The following PLCH2 variants were observed in gnomAD, a reference collection of about 807,000 sequenced individuals.
PLCH2 encodes the protein phospholipase C eta 2, also known as 1-phosphatidylinositol 4,5-bisphosphate phosphodiesterase eta-2.
In PLCH2, 98 loss-of-function variants were observed where a neutral mutation model predicts 134.7. The observed-to-expected ratio is 0.73, with a 90% confidence interval of 0.62 to 0.86. The LOEUF (loss-of-function observed/expected upper bound fraction) is 0.86, where lower values mean the gene tolerates loss of function less well. Ranked by LOEUF, PLCH2 falls within the 40% of genes least tolerant of loss-of-function variation. The probability of loss-of-function intolerance (pLI) is 0.00; values close to 1 mark genes in which losing one functional copy is unlikely to be tolerated. For missense variants in PLCH2, 1,994 were observed against 1,986.6 expected (o/e 1.00, Z -0.07); for synonymous variants, 974 against 827.5 (o/e 1.18, Z -3.04).
At chr1:2,424,791 T>G (rs527544626), upstream of PLCH2, among the ~76,000 whole-genome samples, 8 of 152,208 alleles carry the variant, frequency 5.3e-5, no homozygotes, top group South Asian at 6.2e-4. Context: ...ATCGAGACCA[T>G]CCTGGCTAAC....
At chr1:2,494,660 G>T (rs1292558183) in intron 11 of PLCH2, among the ~76,000 whole-genome samples, 196 bp from the exon 12 acceptor site, 2 of 152,178 alleles carry the variant, frequency 1.3e-5, no homozygotes, top group African/African-American at 4.8e-5. Context: ...CTGCCCCAGG[G>T]TGGACTGGGA....
At chr1:2,455,584 T>C (rs1301245970) in intron 2 of PLCH2, among the ~76,000 whole-genome samples, 3 of 152,118 alleles carry the variant, frequency 2.0e-5, no homozygotes, top group Non-Finnish European at 2.9e-5. Flanking sequence ...GTGGCCACCA[T>C]AGCTGGAGCA....
upstream of PLCH2, among the ~76,000 whole-genome samples, chr1:2,462,921 G>A (rs554454192): frequency 9.8e-5 from 15 of 152,316 alleles, no homozygotes; most frequent in Non-Finnish European, 1.8e-4. Context: ...TTTCCTAACC[G>A]AAGCCGTAAC....
At chr1:2,473,402 A>G (rs1641438554), upstream of PLCH2, among the ~76,000 whole-genome samples, 1 of 152,160 alleles carries the variant, frequency 6.6e-6, no homozygotes, top group African/African-American at 2.4e-5. Context: ...GAGCCCTCCC[A>G]TGCACTCTCC....
chr1:2,428,949 G>A (rs578107840), intron 1 of PLCH2, among the ~76,000 whole-genome samples: 6 of 152,228 alleles, frequency 3.9e-5, no homozygotes, highest in African/African-American at 9.6e-5. Flanking sequence ...TGGGGGCCCC[G>A]GGGTGGGTGG....
the PLCH2 span, among the ~76,000 whole-genome samples, chr1:2,418,608 A>G: frequency 6.6e-6 from 1 of 152,166 alleles, no homozygotes; most frequent in Non-Finnish European, 1.5e-5. Context: ...GATGGACAAT[A>G]AGGGCTCCCC....
intron 2 of PLCH2, among the ~76,000 whole-genome samples, chr1:2,433,935 G>A (rs1222907989): frequency 3.3e-5 from 5 of 152,202 alleles, no homozygotes; most frequent in Admixed American, 2.6e-4. Context: ...TTCCCCTGGA[G>A]CCCGGCTTTG....
chr1:2,441,870 G>A (rs1347400277), intron 2 of PLCH2, among the ~76,000 whole-genome samples: 2 of 152,152 alleles, frequency 1.3e-5, no homozygotes, highest in Non-Finnish European at 2.9e-5. Context: ...AGGGCGCAGG[G>A]CTCTGTCAGC....
Position 2,437,779 on chromosome 1 carries a change from AC to A in PLCH2, c.115+7155del, listed in dbSNP as rs750752817. On this transcript the variant is annotated intron_variant, in intron 2 of 3. Coordinates refer to the PLCH2 transcript ENST00000609981. ...TACGTGCACACACATATGTATACCCACCCCCACACACATAGGGAAACACATG... is the reference window on the plus strand; with the variant it reads ...TACGTGCACACACATATGTATACCCACCCCACACACATAGGGAAACACATG... 2.6e-5 allele frequency among the ~76,000 whole-genome samples: 4 copies of A among 151,836 alleles called. No individual in the cohort carries two copies. The East Asian group carries it at 5.8e-4, about 22-fold the overall frequency.
rs759476872 is a variant in PLCH2 at position 2,504,749 on chromosome 1, G to C, written c.3787G>C (p.Asp1263His). The C allele has an allele frequency of 5.0e-6, 8 of 1,612,484 alleles. No homozygotes were observed. In the East Asian group the frequency reaches 1.8e-4, roughly 36 times the overall value. ...KSKSLGDLTA[D>H]DFAPSFEGGS... ...CAAGAGCCTGGGCGACCTCACTGCT[G>C]ATGACTTTGCCCCTAGCTTTGAGGG... is the stretch of plus-strand genomic sequence containing the variant. Residue 1263 changes from aspartate to histidine, a missense_variant, in exon 22 of 22, where the codon GAT (aspartate) becomes CAT (histidine). Physicochemically the swap from Asp to His is moderately conservative, Grantham distance 81 (BLOSUM62 -1). Transcript: ENST00000378486.
At chr1:2,466,639 G>A (rs970307964), upstream of PLCH2, among the ~76,000 whole-genome samples, 7 of 152,244 alleles carry the variant, frequency 4.6e-5, no homozygotes, top group Admixed American at 2.6e-4. Context: ...AAGCCTCCCA[G>A]GCCGCACTCT....
intron 2 of PLCH2, among the ~76,000 whole-genome samples, chr1:2,441,998 G>A (rs1325878488): frequency 6.6e-6 from 1 of 152,202 alleles, no homozygotes; most frequent in Non-Finnish European, 1.5e-5. Context: ...CCGGCACAGA[G>A]TCTCCAGGGC....
At chr1:2,417,097 A>C in the PLCH2 span, among the ~76,000 whole-genome samples, 1 of 152,328 alleles carries the variant, frequency 6.6e-6, no homozygotes, top group African/African-American at 2.4e-5. Context: ...CACAAGGTGA[A>C]TCCCAGGTCA....
chr1:2,498,264 G>C lies in PLCH2; in HGVS notation c.2225-259G>C. ...CCCCAGGGACCCAGACCCACCCCCA[G>C]AAGCCATGTGACCTCCTCGGCTCAG... is the stretch of plus-strand genomic sequence containing the variant. On this transcript the variant is annotated intron_variant, in intron 16 of 21. Coordinates refer to ENST00000378486, the MANE Select transcript of PLCH2 (RefSeq NM_014638.4). The surrounding 1 kb of genome is among the most constrained non-coding windows in gnomAD (Gnocchi z 5.4). 6 of 383,566 alleles carry C rather than the reference G, an allele frequency of 1.6e-5. No homozygotes were observed. The highest frequency in any genetic ancestry group is 1.0e-4 in the East Asian group (2 of 19,874). The allele number at this position is 383,566 out of a possible 1,614,324, so 23.8% of individuals were successfully genotyped here.
rs546463401 is a variant in PLCH2 at position 2,444,632 on chromosome 1, G to T, written c.115+14003G>T. ...GGAGATGGGCTCTGCTGGAGCTGGT[G>T]GAGGAAGATGCCAAGGAGATAAGAG... On this transcript the variant is annotated intron_variant, in intron 2 of 3. Transcript: ENST00000609981. The surrounding 1 kb of genome is among the most constrained non-coding windows in gnomAD (Gnocchi z 4.6). Among the ~76,000 whole-genome samples the T allele has an allele frequency of 3.3e-5, 5 of 152,116 alleles. No homozygotes were observed. The highest frequency in any genetic ancestry group is 5.9e-5 in the Non-Finnish European group (4 of 67,992).
At chr1:2,468,520 G>A (rs548141995) in intron 1 of PLCH2, among the ~76,000 whole-genome samples, 3,159 of 102,558 alleles carry the variant, frequency 0.031, 37 homozygotes, top group Middle Eastern at 0.1. Flanking sequence ...GGGCCAGAGG[G>A]GCAGGGTCTC....
chr1:2,496,578 G>T, intron 13 of PLCH2, 29 bp from the exon 14 acceptor site: 2 of 1,582,226 alleles, frequency 1.3e-6, no homozygotes, highest in East Asian at 2.3e-5. Context: ...CTGGACGGGA[G>T]GGGTTCTGAC....
chr1:2,429,517 A>T (rs1638964936), intron 1 of PLCH2, among the ~76,000 whole-genome samples: 1 of 152,094 alleles, frequency 6.6e-6, no homozygotes, highest in African/African-American at 2.4e-5. Context: ...AGGGAGGCTG[A>T]GCAGAGGCTG....
In PLCH2 at chr1:2,479,859, C is replaced by T. The variant is rs758616604; in HGVS notation, c.397C>T (p.Leu133=). 4.3e-5 allele frequency: 70 copies of T among 1,611,320 alleles called. 1 individual carries two copies. In the Middle Eastern group the frequency reaches 6.6e-4, roughly 15 times the overall value. ...SIYHGSHRES[L]DLVSTSSEVA... ...CTACCACGGCAGCCACCGCGAGTCG[C>T]TGGACCTGGTCTCCACCAGCAGCGA... The change falls in exon 3 of 22, where the codon CTG becomes TTG. Residue 133 remains leucine, a synonymous_variant. Transcript: ENST00000378486.
Sources: gnomAD v4.1 joint callset for allele counts (sites outside exome capture counted in the v4.1 genomes callset) on GRCh38, gnomAD v4.1.1 for gene constraint, Gnocchi (gnomAD v3.1) non-coding constraint, MANE v1.5 for transcripts, NCBI Gene and HGNC (gene_info 2026-07-23, HGNC 2026-07-21) for gene names.